The following LRRC4C variants were observed in gnomAD, a reference collection of about 807,000 sequenced individuals.
The protein encoded by LRRC4C is leucine rich repeat containing 4C.
Under a neutral mutation model 33.6 loss-of-function variants are expected in LRRC4C, and 5 were observed. The observed-to-expected ratio is 0.15, with a 90% CI of 0.08 to 0.31. LRRC4C has a LOEUF of 0.31. Ranked by LOEUF, LRRC4C falls within the 10% of genes least tolerant of loss-of-function variation. The pLI, the probability that LRRC4C is intolerant of heterozygous loss-of-function variation, is 1.00. For missense variants in LRRC4C, 560 were observed against 796.7 expected (o/e 0.70, Z 3.58); for synonymous variants, 329 against 302.0 (o/e 1.09, Z -0.93).
In LRRC4C at chr11:40,304,292, T is replaced by C. The variant is rs1944921140; in HGVS notation, c.-176+15336A>G. Among the ~76,000 whole-genome samples the C allele has an allele frequency of 1.3e-5, 2 of 152,130 alleles. 1 individual carries two copies. The highest frequency in any genetic ancestry group is 4.1e-4 in the South Asian group (2 of 4,826). ...AGGGTGCCTCTAAGTGCCTGTACAGTTAAATGCCACCGGATTTCAAATGAA... is the reference window on the plus strand; with the variant it reads ...AGGGTGCCTCTAAGTGCCTGTACAGCTAAATGCCACCGGATTTCAAATGAA... On this transcript the variant is annotated intron_variant, in intron 4 of 6. Coordinates refer to ENST00000528697, the MANE Select transcript of LRRC4C (RefSeq NM_001258419.2).
At chr11:40,590,265 C>T (rs1473203301) in intron 3 of LRRC4C, among the ~76,000 whole-genome samples, 9 of 151,620 alleles carry the variant, frequency 5.9e-5, no homozygotes, top group Admixed American at 4.0e-4. Flanking sequence ...TCCAGTTGAT[C>T]GCATCGTCTC....
chr11:40,122,561 C>A (rs1393216577), intron 6 of LRRC4C, among the ~76,000 whole-genome samples: 4 of 152,042 alleles, frequency 2.6e-5, no homozygotes, highest in Non-Finnish European at 5.9e-5. Flanking sequence ...TAAATTCTGA[C>A]CTAATCTTCA....
intron 3 of LRRC4C, among the ~76,000 whole-genome samples, chr11:40,379,367 A>C (rs1429191672): frequency 6.6e-6 from 1 of 152,142 alleles, no homozygotes; most frequent in Non-Finnish European, 1.5e-5. Context: ...AAACCCAATT[A>C]TTTCTATAAA....
At chr11:40,367,878 G>A (rs887663876) in intron 3 of LRRC4C, among the ~76,000 whole-genome samples, 9 of 152,026 alleles carry the variant, frequency 5.9e-5, no homozygotes, top group Admixed American at 5.9e-4. Context: ...GCTTTCTAAA[G>A]GCAGAGTTTT....
intron 4 of LRRC4C, among the ~76,000 whole-genome samples, chr11:40,299,941 C>T (rs575060229): frequency 6.6e-6 from 1 of 152,284 alleles, no homozygotes; most frequent in South Asian, 2.1e-4. Flanking sequence ...CCTTGCATTG[C>T]TATACCAAAT....
intron 1 of LRRC4C, among the ~76,000 whole-genome samples, chr11:41,151,615 G>C (rs1002357780): frequency 6.6e-6 from 1 of 152,084 alleles, no homozygotes; most frequent in African/African-American, 2.4e-5. Context: ...ATTTGTAAAG[G>C]TTTCATAGAC....
intron 4 of LRRC4C, among the ~76,000 whole-genome samples, chr11:40,315,337 C>A (rs1945523692): frequency 6.6e-6 from 1 of 151,862 alleles, no homozygotes; most frequent in Non-Finnish European, 1.5e-5. Flanking sequence ...GCTTAGTTTG[C>A]AATTTATTTT....
chr11:41,385,357 T>C lies in LRRC4C; in HGVS notation c.-496+74074A>G, dbSNP rs538737607. Among the ~76,000 whole-genome samples, 445 of 151,738 alleles carry C rather than the reference T, an allele frequency of 2.9e-3. 5 individuals carry two copies. The highest frequency in any genetic ancestry group is 0.01 in the African/African-American group (426 of 41,522). The stretch of plus-strand genomic sequence containing the variant: ...GCATTTATTGTACTTGCCAACCTAC[T>C]GGGCCACAAAACAACAAATCGCAAC... On this transcript the variant is annotated intron_variant, in intron 1 of 6. Transcript: ENST00000528697.
At chr11:40,985,187 CAGTTTCATCACTATTGTCTTTTG>C (rs2137159409) in intron 1 of LRRC4C, among the ~76,000 whole-genome samples, 2 of 152,130 alleles carry the variant, frequency 1.3e-5, no homozygotes, top group East Asian at 3.9e-4. Flanking sequence ...CAGTAACATT[CAGTTTCATCACTATTGTCTTTTG>C]AGATACATGC....
intron 1 of LRRC4C, among the ~76,000 whole-genome samples, chr11:41,075,896 A>G (rs901722940): frequency 1.4e-4 from 21 of 152,196 alleles, no homozygotes; most frequent in Non-Finnish European, 2.9e-4. Flanking sequence ...CTCTGATTCA[A>G]TAAATCCTTC....
chr11:40,913,081 C>T (rs1347983010), intron 2 of LRRC4C, among the ~76,000 whole-genome samples: 1 of 152,132 alleles, frequency 6.6e-6, no homozygotes, highest in East Asian at 1.9e-4. Context: ...GACTTAGACT[C>T]CCACACAATA....
chr11:41,025,481 A>G (rs952843243), intron 1 of LRRC4C, among the ~76,000 whole-genome samples: 1 of 151,488 alleles, frequency 6.6e-6, no homozygotes, highest in Non-Finnish European at 1.5e-5. Flanking sequence ...ATCCAGACCA[A>G]TGTTCTAATT....
chr11:40,486,657 T>C (rs1037046305), intron 3 of LRRC4C, among the ~76,000 whole-genome samples: 6 of 152,034 alleles, frequency 3.9e-5, no homozygotes, highest in East Asian at 1.9e-4. Flanking sequence ...CTGAAGTGTT[T>C]AGGGGTAAAC....
chr11:41,197,532 G>T (rs1241181754), intron 1 of LRRC4C, among the ~76,000 whole-genome samples: 1 of 151,966 alleles, frequency 6.6e-6, no homozygotes, highest in Non-Finnish European at 1.5e-5. Flanking sequence ...ACATCAAACA[G>T]CACCTCTTTT....
chr11:41,132,973 C>T (rs1245503369), intron 1 of LRRC4C, among the ~76,000 whole-genome samples: 1 of 152,122 alleles, frequency 6.6e-6, no homozygotes, highest in Non-Finnish European at 1.5e-5. Flanking sequence ...AAGGGAAAAG[C>T]TAAATATGTG....
At chr11:40,529,387 G>A (rs1956185271) in intron 3 of LRRC4C, among the ~76,000 whole-genome samples, 1 of 152,000 alleles carries the variant, frequency 6.6e-6, no homozygotes, top group Non-Finnish European at 1.5e-5. Flanking sequence ...ACTGAGCCTT[G>A]AGAAATTTCA....
At chr11:40,475,817 T>A (rs546879653) in intron 3 of LRRC4C, among the ~76,000 whole-genome samples, 2 of 152,278 alleles carry the variant, frequency 1.3e-5, no homozygotes, top group East Asian at 3.9e-4. Flanking sequence ...ATAATAATTA[T>A]AGAGCCATCC....
At chr11:40,930,106 A>G (rs571383477) in intron 2 of LRRC4C, among the ~76,000 whole-genome samples, 2 of 152,282 alleles carry the variant, frequency 1.3e-5, no homozygotes, top group East Asian at 3.9e-4. Context: ...CGGGGCTAAT[A>G]AGAGAAAAAG....
chr11:40,913,593 C>T (rs545745654), intron 2 of LRRC4C, among the ~76,000 whole-genome samples: 1 of 152,116 alleles, frequency 6.6e-6, no homozygotes, highest in Admixed American at 6.5e-5. Context: ...CAAGAGAAAG[C>T]AGGAAAGATC....
Sources: gnomAD v4.1 joint callset for allele counts (sites outside exome capture counted in the v4.1 genomes callset) on GRCh38, gnomAD v4.1.1 for gene constraint, MANE v1.5 for transcripts, NCBI Gene and HGNC (gene_info 2026-07-23, HGNC 2026-07-21) for gene names.